Variants in HTR2A observed in about 807,000 individuals in gnomAD.
HTR2A encodes the protein 5-hydroxytryptamine receptor 2A, also known as 5-HT2 receptor.
HTR2A carries 14 observed loss-of-function variants against 31.0 expected under a neutral mutation model. The observed-to-expected ratio is 0.45, with a 90% confidence interval of 0.30 to 0.71. The LOEUF (loss-of-function observed/expected upper bound fraction) is 0.71. Among genes scored for constraint, HTR2A ranks in the 30% least tolerant of loss-of-function variants. The pLI is 0.09. For missense variants in HTR2A, 442 were observed against 573.3 expected, an observed-to-expected ratio of 0.77 and a Z score of 2.34; for synonymous variants, 209 against 225.2, an observed-to-expected ratio of 0.93 and a Z score of 0.64.
intron 3 of HTR2A, among the ~76,000 whole-genome samples, chr13:46,843,290 G>A (rs939214559): frequency 6.6e-6 from 1 of 152,134 alleles, no homozygotes; most frequent in Non-Finnish European, 1.5e-5. Flanking sequence ...TTTATCACAG[G>A]TATGTGCACA....
intron 3 of HTR2A, among the ~76,000 whole-genome samples, chr13:46,890,486 G>A (rs1044093551): frequency 3.9e-5 from 6 of 152,176 alleles, no homozygotes; most frequent in African/African-American, 1.4e-4. Context: ...ATGGGCTTTG[G>A]ACTCAGATTG....
intron 3 of HTR2A, among the ~76,000 whole-genome samples, chr13:46,876,223 A>G (rs1950909412): frequency 6.6e-6 from 1 of 151,782 alleles, no homozygotes; most frequent in Non-Finnish European, 1.5e-5. Context: ...CCCATCCTTC[A>G]AGGTTCAACT....
chr13:46,840,522 A>G (rs1190817739), intron 3 of HTR2A, among the ~76,000 whole-genome samples: 1 of 152,148 alleles, frequency 6.6e-6, no homozygotes, highest in Non-Finnish European at 1.5e-5. Context: ...CATTACCCAC[A>G]CCTTCTTATG....
chr13:46,877,134 G>C (rs1593440274), intron 3 of HTR2A, among the ~76,000 whole-genome samples: 1 of 152,148 alleles, frequency 6.6e-6, no homozygotes, highest in East Asian at 1.9e-4. Context: ...GAGGCCTCTA[G>C]AAGCTATACT....
At chr13:46,842,995 A>G (rs1347147059) in intron 3 of HTR2A, among the ~76,000 whole-genome samples, 3 of 152,236 alleles carry the variant, frequency 2.0e-5, no homozygotes, top group Admixed American at 1.3e-4. Context: ...TGTTCTGAGT[A>G]GTGTGATAAA....
chr13:46,859,246 T>C (rs1950762447), intron 3 of HTR2A, among the ~76,000 whole-genome samples: 1 of 152,202 alleles, frequency 6.6e-6, no homozygotes, highest in Non-Finnish European at 1.5e-5. Context: ...ACATGGCTGA[T>C]TCCTCTCATT....
At position 46,834,778 on chromosome 13, in the gene HTR2A, TCCAGATAGG is replaced by T; in HGVS notation, c.*50_*58del. The T allele has an allele frequency of 1.4e-6, 2 of 1,394,646 alleles. No homozygotes were observed. The highest frequency in any genetic ancestry group is 9.8e-7 in the Non-Finnish European group (1 of 1,023,674). 86.4% of individuals were successfully genotyped at this position (1,394,646 alleles called of 1,614,324 possible). A position where few individuals can be genotyped will look rare whatever the true frequency, so the allele number is the denominator to read the frequency against. ...TTTTCCAATCTCATATTTTTTTTTTTCCAGATAGGTGAAAACTTGCTCAGTGTGCCTTCC... is the reference window on the plus strand; with the variant it reads ...TTTTCCAATCTCATATTTTTTTTTTTTGAAAACTTGCTCAGTGTGCCTTCC... On this transcript the variant is annotated 3_prime_UTR_variant, in exon 4 of 4. Coordinates refer to ENST00000542664, the MANE Select transcript of HTR2A (RefSeq NM_000621.5).
At chr13:46,868,224 G>A (rs1383625960) in intron 3 of HTR2A, among the ~76,000 whole-genome samples, 1 of 152,186 alleles carries the variant, frequency 6.6e-6, no homozygotes, top group East Asian at 1.9e-4. Flanking sequence ...AGCATCCCTG[G>A]ATGTGCAAAG....
At chr13:46,886,239 G>C (rs1170271162) in intron 3 of HTR2A, among the ~76,000 whole-genome samples, 1 of 152,130 alleles carries the variant, frequency 6.6e-6, no homozygotes, top group Non-Finnish European at 1.5e-5. Flanking sequence ...TAGAAATAAC[G>C]TGATGATTTG....
chr13:46,876,131 A>G (rs1369123035), intron 3 of HTR2A, among the ~76,000 whole-genome samples: 1 of 152,126 alleles, frequency 6.6e-6, no homozygotes, highest in South Asian at 2.1e-4. Flanking sequence ...TTATCGAGCC[A>G]TATCATAACA....
chr13:46,876,721 T>G (rs1593440143), intron 3 of HTR2A, among the ~76,000 whole-genome samples: 1 of 152,196 alleles, frequency 6.6e-6, no homozygotes, highest in East Asian at 1.9e-4. Context: ...TGTCCTTGAT[T>G]CATATTTTTA....
chr13:46,854,587 C>A (rs1424197631), intron 3 of HTR2A, among the ~76,000 whole-genome samples: 2 of 152,142 alleles, frequency 1.3e-5, no homozygotes, highest in Non-Finnish European at 2.9e-5. Context: ...GAGCCTATAT[C>A]AGAACAAAAT....
chr13:46,835,301 C>A lies in HTR2A; in HGVS notation c.952G>T (p.Glu318Ter). ...CCCAGCACCTTGCATGCCTTTTGCT[C>A]ATTGCTGATGGACTGCATAGTCCTC... ...GRRTMQSISN[E>*]QKACKVLGIV... is the part of the protein sequence containing the mutation. The change falls in exon 4 of 4, where the codon GAG becomes TAG. Residue 318 changes from glutamate (E) to a stop codon, truncating the protein, a stop_gained. Transcript: ENST00000542664. LOFTEE classifies it high-confidence loss of function. 4 of 1,614,132 alleles carry A rather than the reference C, an allele frequency of 2.5e-6. No individual in the cohort carries two copies. The highest frequency in any genetic ancestry group is 3.4e-6 in the Non-Finnish European group (4 of 1,180,002).
chr13:46,866,054 C>T (rs1268633367), intron 3 of HTR2A, among the ~76,000 whole-genome samples: 4 of 152,208 alleles, frequency 2.6e-5, no homozygotes, highest in Non-Finnish European at 5.9e-5. Flanking sequence ...TTATCTTGCT[C>T]ACATCCTGGG....
intron 3 of HTR2A, among the ~76,000 whole-genome samples, chr13:46,870,457 T>C (rs924745372): frequency 2.6e-5 from 4 of 152,192 alleles, no homozygotes; most frequent in Non-Finnish European, 5.9e-5. Context: ...GATCAGAATA[T>C]AAAACAGTAT....
chr13:46,835,562 C>T lies in HTR2A; in HGVS notation c.691G>A (p.Asp231Asn), dbSNP rs914903401. The part of the protein sequence containing the change: ...VFKEGSCLLA[D>N]DNFVLIGSFV... ...GAGCCGATCAGGACAAAGTTATCAT[C>T]GGCGAGTAAGCAACTCCCCTCCTTA... The change falls in exon 4 of 4, where the codon GAT becomes AAT. Residue 231 changes from aspartate (D) to asparagine (N), a missense_variant. Coordinates refer to ENST00000542664, the MANE Select transcript of HTR2A (RefSeq NM_000621.5). 6 of 1,614,006 alleles carry T rather than the reference C, an allele frequency of 3.7e-6. No homozygotes were observed. Among genetic ancestry groups the T allele is most frequent in the Non-Finnish European group, 4.2e-6 (5 of 1,179,934 alleles).
intron 3 of HTR2A, among the ~76,000 whole-genome samples, chr13:46,877,185 A>G (rs4942582): frequency 0.6 from 91,086 of 152,048 alleles, 27,415 homozygotes; most frequent in East Asian, 0.68. Context: ...CATCCAATTT[A>G]AAGAACAAAA....
chr13:46,893,956 T>C (rs1951077012), intron 2 of HTR2A, among the ~76,000 whole-genome samples: 1 of 152,220 alleles, frequency 6.6e-6, no homozygotes, highest in African/African-American at 2.4e-5. Context: ...ACATGTATTA[T>C]TTGCAAAGAG....
In HTR2A at chr13:46,834,716, C is replaced by G. The variant is rs3125; in HGVS notation, c.*121G>C. 0.14 allele frequency: 97,180 copies of G among 707,280 alleles called. 7,147 individuals are homozygous for G. Among genetic ancestry groups the G allele is most frequent in the East Asian group, 0.21 (7,849 of 37,802 alleles). The allele number at this position is 707,280 out of a possible 1,614,324, so 43.8% of individuals were successfully genotyped here. ...CATTGACAGAATAAAATGAGGCATACAGATATGATCGTTGGTTCCACTAGA... is the reference window on the plus strand; with the variant it reads ...CATTGACAGAATAAAATGAGGCATAGAGATATGATCGTTGGTTCCACTAGA... On this transcript the variant is annotated 3_prime_UTR_variant, in exon 4 of 4. Transcript: ENST00000542664.
Sources: gnomAD v4.1 joint callset for allele counts (sites outside exome capture counted in the v4.1 genomes callset) on GRCh38, gnomAD v4.1.1 for gene constraint, MANE v1.5 for transcripts, NCBI Gene and HGNC (gene_info 2026-07-23, HGNC 2026-07-21) for gene names.